The following HDAC4 variants were observed in gnomAD, a reference collection of about 807,000 sequenced individuals.
HDAC4 encodes histone deacetylase A.
HDAC4 carries 16 observed loss-of-function variants against 135.1 expected under a neutral mutation model. The ratio of observed to expected loss-of-function variants is 0.12; its 90% confidence interval spans 0.08 to 0.18. The LOEUF (loss-of-function observed/expected upper bound fraction) is 0.18. Ranked by LOEUF, HDAC4 falls within the 10% of genes least tolerant of loss-of-function variation. The pLI is 1.00. For synonymous variants in HDAC4, 685 were observed against 653.4 expected, an observed-to-expected ratio of 1.05 and a Z score of -0.74; for missense variants, 1,143 against 1,511.8, an observed-to-expected ratio of 0.76 and a Z score of 4.05.
At chr2:239,142,275 T>C (rs1484220142) in intron 8 of HDAC4, among the ~76,000 whole-genome samples, 1 of 152,084 alleles carries the variant, frequency 6.6e-6, no homozygotes, top group Non-Finnish European at 1.5e-5. Flanking sequence ...CCTCCACCGC[T>C]CCATATGGGA....
chr2:239,057,526 A>G (rs772232344), intron 24 of HDAC4, among the ~76,000 whole-genome samples: 1 of 152,338 alleles, frequency 6.6e-6, no homozygotes, highest in Admixed American at 6.5e-5. Context: ...AGAAAACAGA[A>G]TCTTCAAAGA....
intron 3 of HDAC4, among the ~76,000 whole-genome samples, chr2:239,208,956 C>T (rs1164496771): frequency 6.6e-6 from 1 of 152,198 alleles, no homozygotes; most frequent in Non-Finnish European, 1.5e-5. Context: ...GATCATGGCT[C>T]ATCGCAGTCT....
At chr2:239,153,920 G>A (rs2042266589) in intron 7 of HDAC4, among the ~76,000 whole-genome samples, 1 of 152,250 alleles carries the variant, frequency 6.6e-6, no homozygotes, top group African/African-American at 2.4e-5. Flanking sequence ...GCAGGGCAGG[G>A]CCGTGACAGT....
In HDAC4 at chr2:239,309,452, C is replaced by A. The variant is rs1048797245; in HGVS notation, c.22+43226G>T. Among the ~76,000 whole-genome samples, 1 of 152,246 alleles carries A rather than the reference C, an allele frequency of 6.6e-6. No homozygotes were observed. The highest frequency in any genetic ancestry group is 1.9e-4 in the East Asian group (1 of 5,184). Reference sequence around the variant, plus strand: ...ATGCCCAAGGAAGCAAGAAGCGGGACCCCGCCTTCTCAGCCACCTCTCACT... The same window carrying A: ...ATGCCCAAGGAAGCAAGAAGCGGGAACCCGCCTTCTCAGCCACCTCTCACT... On this transcript the variant is annotated intron_variant, in intron 2 of 26. Transcript: ENST00000543185. This position sits in a 1 kb window ranked among gnomAD's most constrained non-coding sequence, Gnocchi z 4.2.
chr2:239,293,646 G>A (rs1457900290), intron 2 of HDAC4, among the ~76,000 whole-genome samples: 3 of 152,148 alleles, frequency 2.0e-5, no homozygotes, highest in Non-Finnish European at 2.9e-5. Flanking sequence ...GCACCTCCAG[G>A]CTTCCTGCAG....
intron 1 of HDAC4, among the ~76,000 whole-genome samples, chr2:239,367,021 C>G (rs564559890): frequency 7.3e-6 from 1 of 136,676 alleles, no homozygotes; most frequent in African/African-American, 3.7e-5. Context: ...CAGGCACTTG[C>G]GGATGGAAAA....
intron 2 of HDAC4, among the ~76,000 whole-genome samples, chr2:239,293,524 C>T (rs2051661419): frequency 2.0e-5 from 3 of 152,212 alleles, no homozygotes; most frequent in Non-Finnish European, 1.5e-5. Context: ...AGAAAGGTCA[C>T]ATTCTTGCTA....
At chr2:239,343,414 A>C (rs1304639244) in intron 2 of HDAC4, among the ~76,000 whole-genome samples, 1 of 152,252 alleles carries the variant, frequency 6.6e-6, no homozygotes, top group African/African-American at 2.4e-5. Context: ...ACAAAAAGAC[A>C]GAGGAAGGAC....
intron 9 of HDAC4, among the ~76,000 whole-genome samples, chr2:239,137,290 A>C (rs2041031085): frequency 6.6e-6 from 1 of 152,316 alleles, no homozygotes; most frequent in South Asian, 2.1e-4. Context: ...GCTCAGAGGG[A>C]AAGTCCGCGG....
chr2:239,217,018 C>T (rs944264073), intron 3 of HDAC4, among the ~76,000 whole-genome samples: 3 of 152,210 alleles, frequency 2.0e-5, no homozygotes, highest in Admixed American at 6.5e-5. Flanking sequence ...CCCCAAACCC[C>T]GAGCCCCCTT....
Position 239,053,422 on chromosome 2 carries a change from G to A in HDAC4, c.3230+38C>T, listed in dbSNP as rs1481172382. On this transcript the variant is annotated intron_variant, in intron 26 of 26. Transcript: ENST00000543185. ...GTGTGTCAGTGGGCACAGTGGGGCT[G>A]GGTGAGCCTGCAGGCGGGCGGCAGG... 3 of 1,606,020 alleles carry A rather than the reference G, an allele frequency of 1.9e-6. No homozygotes were observed. In the African/African-American group the frequency reaches 4.0e-5, roughly 21 times the overall value.
At chr2:239,158,353 G>C (rs1575227038) in intron 6 of HDAC4, among the ~76,000 whole-genome samples, 1 of 152,044 alleles carries the variant, frequency 6.6e-6, no homozygotes, top group African/African-American at 2.4e-5. Flanking sequence ...TGCATCCCAC[G>C]AGTTAAAAAG....
At chr2:239,318,281 C>G (rs1179127192) in intron 2 of HDAC4, among the ~76,000 whole-genome samples, 1 of 152,190 alleles carries the variant, frequency 6.6e-6, no homozygotes, top group African/African-American at 2.4e-5. Flanking sequence ...CTGCGGTGGC[C>G]GCCAAGCCCA....
intron 17 of HDAC4, 54 bp downstream of exon 17, chr2:239,094,956 C>T: frequency 6.2e-7 from 1 of 1,612,970 alleles, no homozygotes; most frequent in South Asian, 1.1e-5. Context: ...TTTCTGTGAC[C>T]ACTGGGACTC....
chr2:239,152,535 G>A (rs1575206992), intron 7 of HDAC4, among the ~76,000 whole-genome samples: 1 of 152,252 alleles, frequency 6.6e-6, no homozygotes, highest in African/African-American at 2.4e-5. Context: ...TGGACCTGAG[G>A]CCCTGGGTAG....
chr2:239,087,245 A>C (rs2036061933), intron 19 of HDAC4, among the ~76,000 whole-genome samples: 1 of 152,168 alleles, frequency 6.6e-6, no homozygotes, highest in East Asian at 1.9e-4. Context: ...GACTCACTTG[A>C]GGGTGAGTGG....
chr2:239,251,514 G>A (rs1313013604), intron 2 of HDAC4, among the ~76,000 whole-genome samples: 2 of 152,210 alleles, frequency 1.3e-5, no homozygotes, highest in South Asian at 2.1e-4. Flanking sequence ...AGGATCTCTC[G>A]AGCAAGATCA....
intron 3 of HDAC4, among the ~76,000 whole-genome samples, chr2:239,217,139 A>G (rs1266066886): frequency 6.6e-6 from 1 of 152,162 alleles, no homozygotes; most frequent in East Asian, 1.9e-4. Context: ...ACACCTCCGC[A>G]GGGCTCCAAA....
At chr2:239,183,882 G>T (rs576654922) in intron 4 of HDAC4, among the ~76,000 whole-genome samples, 1 of 149,612 alleles carries the variant, frequency 6.7e-6, no homozygotes, top group East Asian at 2.0e-4. Context: ...TAAGGATCAT[G>T]ACCCACGCTC....
Sources: allele counts gnomAD v4.1 joint callset (sites outside exome capture counted in the v4.1 genomes callset), GRCh38; gene constraint gnomAD v4.1.1; non-coding constraint Gnocchi (gnomAD v3.1); transcripts MANE v1.5; gene names NCBI Gene and HGNC (gene_info 2026-07-23, HGNC 2026-07-21).